Variants in ZNF577 observed in about 807,000 individuals in gnomAD.
ZNF577 encodes the protein zinc finger protein 577.
Under a neutral mutation model 13.9 loss-of-function variants are expected in ZNF577, and 14 were observed. The observed-to-expected ratio is 1.00, with a 90% CI of 0.66 to 1.57. The LOEUF (loss-of-function observed/expected upper bound fraction) is 1.57, where lower values mean the gene tolerates loss of function less well. Ranked by LOEUF, ZNF577 falls within the 40% of genes most tolerant of loss-of-function variation. The pLI, the probability that ZNF577 is intolerant of heterozygous loss-of-function variation, is 0.00. For synonymous variants in ZNF577, 203 were observed against 202.9 expected, an observed-to-expected ratio of 1.00 and a Z score of 0.00; for missense variants, 555 against 579.2, an observed-to-expected ratio of 0.96 and a Z score of 0.43.
chr19:51,877,035 G>GT (rs1169148492), intron 5 of ZNF577, among the ~76,000 whole-genome samples: 1 of 152,100 alleles, frequency 6.6e-6, no homozygotes, highest in Non-Finnish European at 1.5e-5. Flanking sequence ...ATGGAACCAG[G>GT]TAAGAATTCA....
At position 51,824,219 on chromosome 19, in the gene ZNF577, C is replaced by T. The variant is rs758877066; in HGVS notation, c.*600-12545G>A. ...TCTGGATTTTCACCATAGTCCTTACCTTACCAAATTTCATCTTCTGGACTA... is the reference window on the plus strand; with the variant it reads ...TCTGGATTTTCACCATAGTCCTTACTTTACCAAATTTCATCTTCTGGACTA... On this transcript the variant is annotated intron_variant and NMD_transcript_variant, in intron 9 of 10. Transcript: ENST00000638827. The surrounding 1 kb of genome is among the most constrained non-coding windows in gnomAD (Gnocchi z 4.7). The T allele has an allele frequency of 5.6e-6, 9 of 1,614,036 alleles. No homozygotes were observed. The highest frequency in any genetic ancestry group is 7.6e-6 in the Non-Finnish European group (9 of 1,180,020).
intron 5 of ZNF577, among the ~76,000 whole-genome samples, chr19:51,875,803 G>T (rs980137771): frequency 6.6e-6 from 1 of 152,238 alleles, no homozygotes; most frequent in Non-Finnish European, 1.5e-5. Context: ...CAGAAAAAGA[G>T]AAGTCAGTCA....
At chr19:51,848,179 C>T (rs975580159) in intron 5 of ZNF577, among the ~76,000 whole-genome samples, 1 of 152,208 alleles carries the variant, frequency 6.6e-6, no homozygotes, top group African/African-American at 2.4e-5. Context: ...CAGCGTAGGG[C>T]ATGCTTAGTA....
intron 9 of ZNF577, among the ~76,000 whole-genome samples, chr19:51,813,220 C>A (rs775798917): frequency 1.3e-5 from 2 of 151,760 alleles, no homozygotes; most frequent in Admixed American, 6.6e-5. Context: ...AAGGTGCTAG[C>A]AGATGCAGTA....
chr19:51,865,026 G>GT (rs2084544868), downstream of ZNF577, among the ~76,000 whole-genome samples: 2 of 152,184 alleles, frequency 1.3e-5, no homozygotes, highest in Non-Finnish European at 2.9e-5. Context: ...TCACATAAAT[G>GT]TAAGTGCTGT....
At chr19:51,848,627 G>C (rs953441834) in intron 5 of ZNF577, among the ~76,000 whole-genome samples, 3 of 152,122 alleles carry the variant, frequency 2.0e-5, no homozygotes, top group African/African-American at 7.2e-5. Flanking sequence ...GATGCCTGTG[G>C]AGCAGACACG....
In ZNF577 at chr19:51,824,817, G is replaced by A. The variant is rs1965036837; in HGVS notation, c.*600-13143C>T. Reference sequence around the variant, plus strand: ...GGAGTTACAAGCAATGTGAGGTCGGGGATATTTTTGGGCTCTGTCTCTTTC... The same window carrying A: ...GGAGTTACAAGCAATGTGAGGTCGGAGATATTTTTGGGCTCTGTCTCTTTC... On this transcript the variant is annotated intron_variant and NMD_transcript_variant, in intron 9 of 10. Transcript: ENST00000638827. The surrounding 1 kb of genome is among the most constrained non-coding windows in gnomAD (Gnocchi z 4.7). 1.3e-6 allele frequency: 2 copies of A among 1,595,224 alleles called. No homozygotes were observed. Among genetic ancestry groups the A allele is most frequent in the Non-Finnish European group, 1.7e-6 (2 of 1,169,606 alleles).
chr19:51,831,295 T>C (rs769325135), intron 9 of ZNF577, among the ~76,000 whole-genome samples: 3 of 152,084 alleles, frequency 2.0e-5, no homozygotes, highest in Non-Finnish European at 4.4e-5. Context: ...ATTTGTATTT[T>C]TAGTAGAGAT....
chr19:51,859,110 G>A (rs1024937728), intron 5 of ZNF577, among the ~76,000 whole-genome samples: 3 of 152,086 alleles, frequency 2.0e-5, no homozygotes, highest in African/African-American at 4.8e-5. Context: ...ATTTGCATTT[G>A]GCTTCTTTCA....
At chr19:51,857,560 T>A (rs11665778) in intron 5 of ZNF577, among the ~76,000 whole-genome samples, 57,391 of 151,922 alleles carry the variant, frequency 0.38, 11,967 homozygotes, top group African/African-American at 0.55. Context: ...CTCTACATGT[T>A]TAAGAACAAA....
chr19:51,865,101 T>C (rs1240355779), downstream of ZNF577, among the ~76,000 whole-genome samples: 1 of 150,980 alleles, frequency 6.6e-6, no homozygotes, highest in Non-Finnish European at 1.5e-5. Flanking sequence ...TTCCCAAAGA[T>C]TTTTTTTTTC....
chr19:51,874,791 A>T (rs2084729343), intron 5 of ZNF577, among the ~76,000 whole-genome samples: 1 of 152,230 alleles, frequency 6.6e-6, no homozygotes, highest in Admixed American at 6.5e-5. Context: ...AGATGGCTTG[A>T]TCAGGAATAA....
rs114434752 is a variant in ZNF577 at position 51,873,053 on chromosome 19, G to T, written c.937C>A (p.Leu313Met). The change falls in exon 6 of 6, where the codon CTG (leucine) becomes ATG (methionine). Residue 313 changes from leucine to methionine, a missense_variant. Physicochemically the swap from Leu to Met is conservative, Grantham distance 15. Coordinates refer to ENST00000638348, the MANE Select transcript of ZNF577 (RefSeq NM_001370449.1). The stretch of plus-strand genomic sequence containing the variant: ...GTATGAATCCTCTGATGTCTGGTCA[G>T]GTCTGACTTAAAATAGAAGGTTCTT... ...CGRTFYFKSD[L>M]TRHQRIHTGE... is the part of the protein sequence containing the mutation. 6.2e-7 allele frequency: 1 copy of T among 1,614,164 alleles called. No homozygotes were observed. Among genetic ancestry groups the T allele is most frequent in the South Asian group, 1.1e-5 (1 of 91,086 alleles).
In ZNF577 at chr19:51,873,049, G is replaced by C. The variant is rs377425117; in HGVS notation, c.941C>G (p.Thr314Ser). The change falls in exon 6 of 6, where the codon ACC (threonine) becomes AGC (serine). Residue 314 changes from threonine to serine, a missense_variant. By Grantham distance (58) the Thr-to-Ser change is moderately conservative (BLOSUM62 1). Transcript: ENST00000638348. ...GRTFYFKSDL[T>S]RHQRIHTGEK... ...TCCCGTATGAATCCTCTGATGTCTG[G>C]TCAGGTCTGACTTAAAATAGAAGGT... The C allele has an allele frequency of 3.1e-6, 5 of 1,613,988 alleles. No homozygotes were observed. Among genetic ancestry groups the C allele is most frequent in the Non-Finnish European group, 4.2e-6 (5 of 1,180,024 alleles).
intron 5 of ZNF577, among the ~76,000 whole-genome samples, chr19:51,852,021 C>G (rs2084381141): frequency 2.0e-5 from 3 of 152,206 alleles, no homozygotes; most frequent in Admixed American, 1.3e-4. Context: ...GCCTTAACTT[C>G]TACAGTGACC....
In ZNF577 at chr19:51,884,915, C is replaced by T. The variant is rs147466937; in HGVS notation, c.-219+1906G>A. 2.8e-3 allele frequency among the ~76,000 whole-genome samples: 431 copies of T among 152,272 alleles called. 4 individuals carry two copies. Among genetic ancestry groups the T allele is most frequent in the African/African-American group, 0.01 (418 of 41,560 alleles). ...TTCTGAATTGATAGTTCCAAAAAGT[C>T]ACATGACTATTCTATGGTGAATAAA... On this transcript the variant is annotated intron_variant, in intron 1 of 5. Coordinates refer to ENST00000638348, the MANE Select transcript of ZNF577 (RefSeq NM_001370449.1).
chr19:51,882,684 T>C (rs1474638694), intron 1 of ZNF577, among the ~76,000 whole-genome samples: 1 of 152,040 alleles, frequency 6.6e-6, no homozygotes, highest in Non-Finnish European at 1.5e-5. Context: ...CTTAGGACGG[T>C]GAGGCAGGAG....
intron 5 of ZNF577, among the ~76,000 whole-genome samples, chr19:51,854,333 AT>A (rs142092392): frequency 8.0e-4 from 116 of 145,204 alleles, no homozygotes; most frequent in Middle Eastern, 3.6e-3. Context: ...TGCTATTTGG[AT>A]TTTTTTTTTT....
chr19:51,851,946 C>A (rs2084380807), intron 5 of ZNF577, among the ~76,000 whole-genome samples: 1 of 152,196 alleles, frequency 6.6e-6, no homozygotes, highest in Non-Finnish European at 1.5e-5. Flanking sequence ...GCATCACCTG[C>A]CACATCCCCA....
Sources: allele counts gnomAD v4.1 joint callset (sites outside exome capture counted in the v4.1 genomes callset), GRCh38; gene constraint gnomAD v4.1.1; non-coding constraint Gnocchi (gnomAD v3.1); transcripts MANE v1.5; gene names NCBI Gene and HGNC (gene_info 2026-07-23, HGNC 2026-07-21).